Variants in IQGAP1 observed in about 807,000 individuals in gnomAD.
IQGAP1 encodes the protein IQ motif containing GTPase activating protein 1.
In IQGAP1, 66 loss-of-function variants were observed where a neutral mutation model predicts 215.6. That is an observed-to-expected ratio of 0.31 (90% CI 0.25 to 0.38). The LOEUF is 0.38. Ranked by LOEUF, IQGAP1 falls within the 10% of genes least tolerant of loss-of-function variation. The pLI, the probability that IQGAP1 is intolerant of heterozygous loss-of-function variation, is 1.00. For missense variants in IQGAP1, 1,712 were observed against 1,997.1 expected (o/e 0.86, Z 2.72); for synonymous variants, 772 against 728.7 (o/e 1.06, Z -0.96).
At chr15:90,499,515 T>C (rs1324360644) in intron 37 of IQGAP1, among the ~76,000 whole-genome samples, 3 of 152,208 alleles carry the variant, frequency 2.0e-5, no homozygotes, top group Non-Finnish European at 4.4e-5. Context: ...ATCTATCAGA[T>C]AGTATTAAGG....
chr15:90,426,372 T>G, intron 3 of IQGAP1, 106 bp downstream of exon 3: 1 of 1,255,366 alleles, frequency 8.0e-7, no homozygotes, highest in East Asian at 2.6e-5. Flanking sequence ...GTGTGTTTGT[T>G]GCAACAAATT....
chr15:90,414,226 G>A (rs1462454191), intron 2 of IQGAP1, among the ~76,000 whole-genome samples: 1 of 152,096 alleles, frequency 6.6e-6, no homozygotes, highest in Non-Finnish European at 1.5e-5. Context: ...AGATGGAGAA[G>A]GGGGCGGGGA....
rs755475661 is a variant in IQGAP1, at chr15:90,453,220, T to G, written c.1415T>G (p.Val472Gly). The change falls in exon 13 of 38, where the codon GTG becomes GGG. Residue 472 changes from valine (V) to glycine (G), a missense_variant. Val to Gly is a moderately radical substitution (Grantham distance 109). Coordinates refer to ENST00000268182, the MANE Select transcript of IQGAP1 (RefSeq NM_003870.4). ...LINRALESGD[V>G]NTVWKQLSSS... ...AACAGGGCATTGGAATCAGGAGATGTGAATACAGTGTGGAAGCAATTGAGC... is the reference window on the plus strand; with the variant it reads ...AACAGGGCATTGGAATCAGGAGATGGGAATACAGTGTGGAAGCAATTGAGC... 2.5e-6 allele frequency: 4 copies of G among 1,613,932 alleles called. No homozygotes were observed. The highest frequency in any genetic ancestry group is 3.4e-6 in the Non-Finnish European group (4 of 1,179,954).
chr15:90,469,283 A>G (rs2151030354), intron 18 of IQGAP1, among the ~76,000 whole-genome samples: 1 of 152,324 alleles, frequency 6.6e-6, no homozygotes, highest in Non-Finnish European at 1.5e-5. Flanking sequence ...ACAGTAAAAG[A>G]TTTTCAAAAG....
Position 90,497,677 on chromosome 15 carries a change from C to A in IQGAP1, c.4860+337C>A, listed in dbSNP as rs149268254. 9.8e-5 allele frequency among the ~76,000 whole-genome samples: 15 copies of A among 152,290 alleles called. No homozygotes were observed. The East Asian group carries it at 2.7e-3, about 27-fold the overall frequency. On this transcript the variant is annotated intron_variant, in intron 37 of 37. Transcript: ENST00000268182. ...CTAAGCCCACTCAGTAGCTTGAAAT[C>A]TTTTTGTCATTTTGATTTGATATAG... is the stretch of plus-strand genomic sequence containing the variant.
chr15:90,481,419 A>G (rs963210528), intron 26 of IQGAP1, among the ~76,000 whole-genome samples: 14 of 151,884 alleles, frequency 9.2e-5, no homozygotes, highest in African/African-American at 3.4e-4. Flanking sequence ...GGTTTCTAAC[A>G]AAGTCCAGAT....
chr15:90,489,423 C>G (rs1040564512), intron 33 of IQGAP1, among the ~76,000 whole-genome samples: 1 of 152,122 alleles, frequency 6.6e-6, no homozygotes, highest in African/African-American at 2.4e-5. Flanking sequence ...CCACTGCACC[C>G]GGCCATAGAC....
intron 2 of IQGAP1, among the ~76,000 whole-genome samples, chr15:90,417,354 G>C (rs1234136534): frequency 6.6e-6 from 1 of 152,138 alleles, no homozygotes; most frequent in East Asian, 1.9e-4. Flanking sequence ...TAACATTTAA[G>C]TCTTTAATCC....
intron 35 of IQGAP1, 142 bp downstream of exon 35, chr15:90,492,853 A>G: frequency 1.5e-6 from 1 of 660,590 alleles, no homozygotes; most frequent in Non-Finnish European, 2.5e-6. Flanking sequence ...ACCTCTAATC[A>G]TTTGTGTAAT....
chr15:90,409,235 CTTT>C (rs138296381), intron 2 of IQGAP1, among the ~76,000 whole-genome samples: 31 of 118,422 alleles, frequency 2.6e-4, no homozygotes, highest in African/African-American at 7.4e-4. Context: ...CCTATATTCA[CTTT>C]TTTTTTTTTT....
At chr15:90,482,713 C>T (rs1448090843) in intron 28 of IQGAP1, 9 of 1,000,308 alleles carry the variant, frequency 9.0e-6, no homozygotes, top group Non-Finnish European at 1.1e-5. Context: ...TCTGTGCTTT[C>T]CTACAGTGAG....
chr15:90,405,369 G>A (rs765815589), intron 2 of IQGAP1, among the ~76,000 whole-genome samples: 9 of 152,186 alleles, frequency 5.9e-5, no homozygotes, highest in Non-Finnish European at 7.3e-5. Context: ...GATTAATATC[G>A]TGTAGTAAAG....
At chr15:90,467,748 G>A (rs1266376751) in intron 18 of IQGAP1, among the ~76,000 whole-genome samples, 156 bp downstream of exon 18, 1 of 152,146 alleles carries the variant, frequency 6.6e-6, no homozygotes, top group East Asian at 1.9e-4. Flanking sequence ...TAGTAGTTGG[G>A]GGAGTGACTG....
At chr15:90,464,443 A>C (rs1259276066) in intron 15 of IQGAP1, among the ~76,000 whole-genome samples, 1 of 152,198 alleles carries the variant, frequency 6.6e-6, no homozygotes, top group African/African-American at 2.4e-5. Flanking sequence ...TCACACTGAG[A>C]GTAGGTAGAA....
intron 5 of IQGAP1, 71 bp downstream of exon 5, chr15:90,433,866 C>T (rs1432873893): frequency 1.2e-5 from 11 of 890,502 alleles, no homozygotes; most frequent in Non-Finnish European, 1.7e-5. Flanking sequence ...GTTTTTTATC[C>T]TTGAGGTAAG....
At position 90,426,237 on chromosome 15, in the gene IQGAP1, A is replaced by G. The variant is rs746226653; in HGVS notation, c.283A>G (p.Ile95Val). ...FSPKVVSLKK[I>V]YDREQTRYKA... ...TCCCAAAGTAGTGTCCCTGAAAAAA[A>G]TCTATGATCGAGAACAGACCAGATA... The change falls in exon 3 of 38, where the codon ATC becomes GTC. Residue 95 changes from isoleucine (I) to valine (V), a missense_variant. Ile to Val is a conservative substitution (Grantham distance 29). Transcript: ENST00000268182. The G allele has an allele frequency of 1.2e-6, 2 of 1,603,686 alleles. No individual in the cohort carries two copies. The highest frequency in any genetic ancestry group is 1.3e-5 in the African/African-American group (1 of 74,150).
chr15:90,496,237 G>T (rs1330042496), intron 36 of IQGAP1, among the ~76,000 whole-genome samples: 1 of 150,892 alleles, frequency 6.6e-6, no homozygotes, highest in African/African-American at 2.4e-5. Flanking sequence ...AATAGGTAAG[G>T]CAGCTCCATA....
intron 14 of IQGAP1, among the ~76,000 whole-genome samples, chr15:90,455,929 C>T (rs1965673281): frequency 6.6e-6 from 1 of 152,004 alleles, no homozygotes; most frequent in African/African-American, 2.4e-5. Flanking sequence ...AAAAATGAAA[C>T]AAAAGGACTT....
chr15:90,491,999 C>T (rs1966212127), intron 34 of IQGAP1, among the ~76,000 whole-genome samples: 1 of 152,130 alleles, frequency 6.6e-6, no homozygotes, highest in South Asian at 2.1e-4. Context: ...TTCTCTTTTT[C>T]TCCCTTTCCC....
Sources: gnomAD v4.1 joint callset for allele counts (sites outside exome capture counted in the v4.1 genomes callset) on GRCh38, gnomAD v4.1.1 for gene constraint, MANE v1.5 for transcripts, NCBI Gene and HGNC (gene_info 2026-07-23, HGNC 2026-07-21) for gene names.